TOP1: variants seen among roughly 807,000 people sequenced by gnomAD.
The protein encoded by TOP1 is DNA topoisomerase I.
A neutral mutation model predicts 111.1 loss-of-function variants in TOP1; 10 were observed. That is an observed-to-expected ratio of 0.09 (90% CI 0.06 to 0.15). TOP1 has a LOEUF of 0.15. TOP1 is among the 10% of genes least tolerant of loss of function. The probability of loss-of-function intolerance (pLI) is 1.00; values close to 1 mark genes in which losing one functional copy is unlikely to be tolerated. For synonymous variants in TOP1, 271 were observed against 302.9 expected, an observed-to-expected ratio of 0.89 and a Z score of 1.10; for missense variants, 474 against 926.7, an observed-to-expected ratio of 0.51 and a Z score of 6.34.
chr20:41,123,529 T>G lies in TOP1; in HGVS notation c.*232T>G, dbSNP rs1018013058. 1 of 417,672 alleles carries G rather than the reference T, an allele frequency of 2.4e-6. No individual in the cohort carries two copies. The highest frequency in any genetic ancestry group is 4.3e-5 in the Admixed American group (1 of 23,340). 25.9% of individuals were successfully genotyped at this position (417,672 alleles called of 1,614,324 possible). A position where few individuals can be genotyped will look rare whatever the true frequency, so the allele number is the denominator to read the frequency against. On this transcript the variant is annotated 3_prime_UTR_variant, in exon 21 of 21. Coordinates refer to ENST00000361337, the MANE Select transcript of TOP1 (RefSeq NM_003286.4). This position sits in a 1 kb window ranked among gnomAD's most constrained non-coding sequence, Gnocchi z 5.8. ...ATATCAAAATTCTAGCTGTATGATTTGTTTTGAATTTTGTTTTTATTTTCA... is the reference window on the plus strand; with the variant it reads ...ATATCAAAATTCTAGCTGTATGATTGGTTTTGAATTTTGTTTTTATTTTCA...
chr20:41,035,924 C>T lies in TOP1; in HGVS notation c.58+6469C>T, dbSNP rs568919667. The stretch of plus-strand genomic sequence containing the variant: ...CATTGGCTAAGACCTTTTACTTAAC[C>T]TGACTCCAGTAAGGTAGCCCCTTTG... On this transcript the variant is annotated intron_variant, in intron 2 of 20. Transcript: ENST00000361337. Among the ~76,000 whole-genome samples the T allele has an allele frequency of 2.6e-5, 4 of 152,284 alleles. No individual in the cohort carries two copies. The South Asian group carries it at 8.3e-4, about 32-fold the overall frequency.
rs2034053650 is a variant in TOP1, at chr20:41,100,905, A to G, written c.1164-304A>G. 3.3e-6 allele frequency: 1 copy of G among 307,624 alleles called. No individual in the cohort carries two copies. The highest frequency in any genetic ancestry group is 5.5e-5 in the South Asian group (1 of 18,100). The allele number at this position is 307,624 out of a possible 1,614,324, so 19.1% of individuals were successfully genotyped here. On this transcript the variant is annotated intron_variant, in intron 12 of 20. Transcript: ENST00000361337. This position sits in a 1 kb window ranked among gnomAD's most constrained non-coding sequence, Gnocchi z 4.4. ...CCCATGGGCAAGTGACATATACAGC[A>G]TGGTATGTTGTATATATGGTTCACG...
intron 18 of TOP1, among the ~76,000 whole-genome samples, chr20:41,119,508 A>G (rs2034388293): frequency 6.6e-6 from 1 of 152,172 alleles, no homozygotes; most frequent in African/African-American, 2.4e-5. Context: ...GAAATTATAG[A>G]TTTTTTCTCA....
chr20:41,121,908 A>C lies in TOP1; in HGVS notation c.2046-98A>C. 2 of 1,563,542 alleles carry C rather than the reference A, an allele frequency of 1.3e-6. No homozygotes were observed. The highest frequency in any genetic ancestry group is 1.7e-6 in the Non-Finnish European group (2 of 1,144,740). On this transcript the variant is annotated intron_variant, in intron 19 of 20. Coordinates refer to ENST00000361337, the MANE Select transcript of TOP1 (RefSeq NM_003286.4). The surrounding 1 kb of genome is among the most constrained non-coding windows in gnomAD (Gnocchi z 4.2). ...TGAGAAATGTCTTTTGGAAATCTCT[A>C]TACTAGGGCTTTTATTGACTCAAAG...
chr20:41,097,389 A>G lies in TOP1; in HGVS notation c.852+48A>G, dbSNP rs1046303321. The G allele has an allele frequency of 6.6e-7, 1 of 1,512,378 alleles. No individual in the cohort carries two copies. The allele number at this position is 1,512,378 out of a possible 1,614,324, so 93.7% of individuals were successfully genotyped here. On this transcript the variant is annotated intron_variant, in intron 10 of 20. Coordinates refer to ENST00000361337, the MANE Select transcript of TOP1 (RefSeq NM_003286.4). This position sits in a 1 kb window ranked among gnomAD's most constrained non-coding sequence, Gnocchi z 4.2. ...ATCCTAGTACCTTGCAAAACAATCA[A>G]GTACTAAGTAATAAATTATCATTTT...
Position 41,080,965 on chromosome 20 carries a change from A to G in TOP1, c.432-200A>G, listed in dbSNP as rs1168866038. ...CGGTGTAAGTGGTTTGTTTTGTTCT[A>G]TATAGGGCTATAACTATTACTCTTT... On this transcript the variant is annotated intron_variant, in intron 6 of 20. Coordinates refer to ENST00000361337, the MANE Select transcript of TOP1 (RefSeq NM_003286.4). This position sits in a 1 kb window ranked among gnomAD's most constrained non-coding sequence, Gnocchi z 5.0. Among the ~76,000 whole-genome samples the G allele has an allele frequency of 6.6e-6, 1 of 151,716 alleles. No individual in the cohort carries two copies. The highest frequency in any genetic ancestry group is 1.5e-5 in the Non-Finnish European group (1 of 67,944).
rs2034203076 is a variant in TOP1, at chr20:41,109,660, C to T, written c.1309-3122C>T. Among the ~76,000 whole-genome samples the T allele has an allele frequency of 6.6e-6, 1 of 152,132 alleles. No individual in the cohort carries two copies. Among genetic ancestry groups the T allele is most frequent in the African/African-American group, 2.4e-5 (1 of 41,434 alleles). On this transcript the variant is annotated intron_variant, in intron 13 of 20. Transcript: ENST00000361337. This position sits in a 1 kb window ranked among gnomAD's most constrained non-coding sequence, Gnocchi z 4.1. ...TAATAAAAAGAGCAAAAGACTTGAA[C>T]ATATACTATACAAAAGAAGATACAG...
intron 14 of TOP1, among the ~76,000 whole-genome samples, chr20:41,113,713 T>C (rs976434307): frequency 1.3e-5 from 1 of 78,624 alleles, no homozygotes. Flanking sequence ...CTACTAAAAA[T>C]ACAAAAAAAA....
In TOP1 at chr20:41,100,157, A is replaced by G. The variant is rs1322099250; in HGVS notation, c.1077A>G (p.Gly359=). The G allele has an allele frequency of 6.2e-7, 1 of 1,613,986 alleles. No homozygotes were observed. Among genetic ancestry groups the G allele is most frequent in the East Asian group, 2.2e-5 (1 of 44,902 alleles). ...CTAACTTCAAGATAGAGCCTCCTGG[A>G]CTTTTCCGTGGCCGCGGCAACCACC... ...RIANFKIEPP[G]LFRGRGNHPK... Residue 359 remains glycine, a synonymous_variant, in exon 12 of 21, where the codon GGA becomes GGG. Transcript: ENST00000361337. This position sits in a 1 kb window ranked among gnomAD's most constrained non-coding sequence, Gnocchi z 4.4.
intron 2 of TOP1, among the ~76,000 whole-genome samples, chr20:41,039,855 C>T (rs555190307): frequency 4.6e-5 from 7 of 151,826 alleles, no homozygotes; most frequent in Non-Finnish European, 8.8e-5. Context: ...TGCAGTGAGC[C>T]GAGATTGCGC....
intron 8 of TOP1, among the ~76,000 whole-genome samples, chr20:41,090,601 C>G (rs1253875075): frequency 6.6e-6 from 1 of 152,162 alleles, no homozygotes; most frequent in Non-Finnish European, 1.5e-5. Context: ...CTCCCAGGTT[C>G]AAACGATTCT....
rs1344535338 is a variant in TOP1 at position 41,094,361 on chromosome 20, C to T, written c.730+1774C>T. Among the ~76,000 whole-genome samples the T allele has an allele frequency of 6.6e-6, 1 of 152,216 alleles. No homozygotes were observed. The highest frequency in any genetic ancestry group is 2.1e-4 in the South Asian group (1 of 4,836). On this transcript the variant is annotated intron_variant, in intron 9 of 20. Coordinates refer to ENST00000361337, the MANE Select transcript of TOP1 (RefSeq NM_003286.4). The surrounding 1 kb of genome is among the most constrained non-coding windows in gnomAD (Gnocchi z 4.4). ...CCTAGAACCTTGAAGAGCACCATCTCAAAGCGTAGGTATTCCGTAGGCCTG... is the reference window on the plus strand; with the variant it reads ...CCTAGAACCTTGAAGAGCACCATCTTAAAGCGTAGGTATTCCGTAGGCCTG...
chr20:41,103,991 A>G (rs578151108), intron 13 of TOP1, among the ~76,000 whole-genome samples: 1 of 152,264 alleles, frequency 6.6e-6, no homozygotes, highest in South Asian at 2.1e-4. Flanking sequence ...TGATTTACAT[A>G]TAATGCCTGT....
chr20:41,056,790 A>G (rs2033478091), intron 2 of TOP1, among the ~76,000 whole-genome samples: 1 of 152,146 alleles, frequency 6.6e-6, no homozygotes, highest in East Asian at 1.9e-4. Context: ...CCATTCCTTT[A>G]AAATAGGAAT....
Position 41,046,637 on chromosome 20 carries a change from C to T in TOP1, c.59-14757C>T, listed in dbSNP as rs2033338064. 6.6e-6 allele frequency among the ~76,000 whole-genome samples: 1 copy of T among 152,200 alleles called. No individual in the cohort carries two copies. Among genetic ancestry groups the T allele is most frequent in the African/African-American group, 2.4e-5 (1 of 41,442 alleles). ...TAGCAGTTCAGCTTGTGCTTGGACC[C>T]AGTTGTTCCAGAAATCAGTAAAACC... is the stretch of plus-strand genomic sequence containing the variant. On this transcript the variant is annotated intron_variant, in intron 2 of 20. Coordinates refer to ENST00000361337, the MANE Select transcript of TOP1 (RefSeq NM_003286.4). The surrounding 1 kb of genome is among the most constrained non-coding windows in gnomAD (Gnocchi z 4.3).
chr20:41,029,316 C>G lies in TOP1; in HGVS notation c.34-115C>G. 1 of 1,003,832 alleles carries G rather than the reference C, an allele frequency of 1.0e-6. No individual in the cohort carries two copies. Among genetic ancestry groups the G allele is most frequent in the African/African-American group, 1.7e-5 (1 of 59,214 alleles). The allele number at this position is 1,003,832 out of a possible 1,614,324, so 62.2% of individuals were successfully genotyped here. Reference sequence around the variant, plus strand: ...GGATGGCTGCCCTCTGTGGCCACCCCCGGGTCCCCGTCCTCCCCGGGGGCG... The same window carrying G: ...GGATGGCTGCCCTCTGTGGCCACCCGCGGGTCCCCGTCCTCCCCGGGGGCG... On this transcript the variant is annotated intron_variant, in intron 1 of 20. Coordinates refer to ENST00000361337, the MANE Select transcript of TOP1 (RefSeq NM_003286.4). This position sits in a 1 kb window ranked among gnomAD's most constrained non-coding sequence, Gnocchi z 6.1.
In TOP1 at chr20:41,110,125, A is replaced by T. The variant is rs1431286003; in HGVS notation, c.1309-2657A>T. 6.6e-6 allele frequency among the ~76,000 whole-genome samples: 1 copy of T among 152,148 alleles called. No homozygotes were observed. The highest frequency in any genetic ancestry group is 1.9e-4 in the East Asian group (1 of 5,198). On this transcript the variant is annotated intron_variant, in intron 13 of 20. Transcript: ENST00000361337. This position sits in a 1 kb window ranked among gnomAD's most constrained non-coding sequence, Gnocchi z 4.2. ...AACATGGCGAAACACCGTCTCTACA[A>T]AAAAATACAAAAATTAGCCGAGGGT...
intron 9 of TOP1, among the ~76,000 whole-genome samples, chr20:41,093,946 G>A (rs952707340): frequency 3.3e-5 from 5 of 152,124 alleles, no homozygotes; most frequent in South Asian, 2.1e-4. Context: ...CCAGCTACTC[G>A]GGAGGCTAAG....
chr20:41,050,224 G>A (rs1365428679), intron 2 of TOP1, among the ~76,000 whole-genome samples: 4 of 152,178 alleles, frequency 2.6e-5, no homozygotes, highest in Non-Finnish European at 5.9e-5. Flanking sequence ...CACCGTGTTG[G>A]TCAGGCTGGT....
Sources: allele counts gnomAD v4.1 joint callset (sites outside exome capture counted in the v4.1 genomes callset), GRCh38; gene constraint gnomAD v4.1.1; non-coding constraint Gnocchi (gnomAD v3.1); transcripts MANE v1.5; gene names NCBI Gene and HGNC (gene_info 2026-07-23, HGNC 2026-07-21).